Variants in GRIK5 observed in about 807,000 individuals in gnomAD.
The protein encoded by GRIK5 is glutamate ionotropic receptor kainate type subunit 5, also known as glutamate receptor ionotropic, kainate 5.
GRIK5 carries 43 observed loss-of-function variants against 97.4 expected under a neutral mutation model. The ratio of observed to expected loss-of-function variants is 0.44; its 90% CI spans 0.35 to 0.57. GRIK5 has a LOEUF of 0.57. Among genes scored for constraint, GRIK5 ranks in the 20% least tolerant of loss-of-function variants. GRIK5 has a pLI of 0.01. For missense variants in GRIK5, 1,015 were observed against 1,382.0 expected (o/e 0.73, Z 4.21); for synonymous variants, 580 against 583.5 (o/e 0.99, Z 0.09).
rs190521064 is a variant in GRIK5, at chr19:42,016,346, G to A, written c.1871+4955C>T. ...TGAGCCAGGAGAATCGCTTGAACCCGGAAGGTGGAGGTTGCAGTGAGCCGA... is the reference window on the plus strand; with the variant it reads ...TGAGCCAGGAGAATCGCTTGAACCCAGAAGGTGGAGGTTGCAGTGAGCCGA... On this transcript the variant is annotated intron_variant, in intron 15 of 19. Coordinates refer to ENST00000593562, the MANE Select transcript of GRIK5 (RefSeq NM_002088.5). 3.8e-4 allele frequency among the ~76,000 whole-genome samples: 58 copies of A among 152,288 alleles called. No individual in the cohort carries two copies. The East Asian group carries it at 8.7e-3, about 23-fold the overall frequency.
chr19:42,022,493 C>T lies in GRIK5; in HGVS notation c.1474-139G>A. 3 of 1,467,874 alleles carry T rather than the reference C, an allele frequency of 2.0e-6. No homozygotes were observed. The highest frequency in any genetic ancestry group is 2.7e-6 in the Non-Finnish European group (3 of 1,111,410). 90.9% of individuals were successfully genotyped at this position (1,467,874 alleles called of 1,614,324 possible). ...GGTAGGGAGGGGGAGGGGCCAGGAG[C>T]ATGGACTGACTCCAGGAGCCCACCT... is the stretch of plus-strand genomic sequence containing the variant. On this transcript the variant is annotated intron_variant, in intron 12 of 19. Coordinates refer to ENST00000593562, the MANE Select transcript of GRIK5 (RefSeq NM_002088.5). The surrounding 1 kb of genome is among the most constrained non-coding windows in gnomAD (Gnocchi z 4.2).
intron 12 of GRIK5, among the ~76,000 whole-genome samples, chr19:42,036,471 C>G (rs1005931402): frequency 6.6e-6 from 1 of 152,144 alleles, no homozygotes; most frequent in South Asian, 2.1e-4. Context: ...TCCCACCTCC[C>G]AGCCTCCTGA....
In GRIK5 at chr19:42,062,006, C is replaced by T; in HGVS notation, c.508+482G>A. 6.6e-6 allele frequency among the ~76,000 whole-genome samples: 1 copy of T among 152,236 alleles called. No homozygotes were observed. The highest frequency in any genetic ancestry group is 1.9e-4 in the East Asian group (1 of 5,200). ...CTGGGCCCTCTACCTCTGCCCGTCACACTTTCTACTTAGAACCTGTTCCCT... is the reference window on the plus strand; with the variant it reads ...CTGGGCCCTCTACCTCTGCCCGTCATACTTTCTACTTAGAACCTGTTCCCT... On this transcript the variant is annotated intron_variant, in intron 5 of 19. Coordinates refer to ENST00000593562, the MANE Select transcript of GRIK5 (RefSeq NM_002088.5). The surrounding 1 kb of genome is among the most constrained non-coding windows in gnomAD (Gnocchi z 5.3).
intron 12 of GRIK5, among the ~76,000 whole-genome samples, chr19:42,030,757 T>C (rs2075831921): frequency 6.6e-6 from 1 of 152,116 alleles, no homozygotes; most frequent in Non-Finnish European, 1.5e-5. Context: ...AGCCACTGCA[T>C]CTGGCAACCG....
chr19:42,068,791 G>A, intron 1 of GRIK5: 1 of 582,216 alleles, frequency 1.7e-6, no homozygotes, highest in Non-Finnish European at 3.1e-6. Context: ...ACAGGAAATG[G>A]GGGCTCAAAA....
At chr19:42,007,662 CTT>C (rs2075509017) in intron 15 of GRIK5, among the ~76,000 whole-genome samples, 1 of 152,020 alleles carries the variant, frequency 6.6e-6, no homozygotes, top group African/African-American at 2.4e-5. Context: ...CCCCTTGAGT[CTT>C]TGGCTGAATA....
chr19:42,054,185 C>T, intron 9 of GRIK5, 135 bp downstream of exon 9: 1 of 924,240 alleles, frequency 1.1e-6, no homozygotes, highest in African/African-American at 1.6e-5. Context: ...CAGCAACAGC[C>T]AGGAGTGGAC....
chr19:42,005,611 C>T lies in GRIK5; in HGVS notation c.2263+112G>A, dbSNP rs543247412. ...CCAAGACCATACAGCCAGGAGGCCA[C>T]ATGCAACACACCCAGCCTGCCTCGG... On this transcript the variant is annotated intron_variant, in intron 17 of 19. Transcript: ENST00000593562. 9 of 707,812 alleles carry T rather than the reference C, an allele frequency of 1.3e-5. No individual in the cohort carries two copies. In the African/African-American group the frequency reaches 1.4e-4, roughly 11 times the overall value. The allele number at this position is 707,812 out of a possible 1,614,324, so 43.8% of individuals were successfully genotyped here. A position where few individuals can be genotyped will look rare whatever the true frequency, so the allele number is the denominator to read the frequency against.
At position 42,025,667 on chromosome 19, in the gene GRIK5, G is replaced by A. The variant is rs367830396; in HGVS notation, c.1474-3313C>T. Among the ~76,000 whole-genome samples the A allele has an allele frequency of 1.3e-4, 20 of 152,194 alleles. 1 individual carries two copies. Among genetic ancestry groups the A allele is most frequent in the African/African-American group, 4.3e-4 (18 of 41,512 alleles). ...CTGATTTTGACCCCTAAACACCTCC[G>A]GAACGGAGTCACTGCCCTCTGCCTC... is the stretch of plus-strand genomic sequence containing the variant. On this transcript the variant is annotated intron_variant, in intron 12 of 19. Transcript: ENST00000593562.
Position 42,002,190 on chromosome 19 carries a change from G to T in GRIK5, c.2514+1142C>A. On this transcript the variant is annotated intron_variant, in intron 19 of 19. Transcript: ENST00000593562. This position sits in a 1 kb window ranked among gnomAD's most constrained non-coding sequence, Gnocchi z 5.2. ...GACCGATGCCAGACTGGAGTGGGGG[G>T]CAAGAGGAAATGGGAGGAAAGAAGA... 1.4e-6 allele frequency: 1 copy of T among 717,648 alleles called. No homozygotes were observed. Among genetic ancestry groups the T allele is most frequent in the Non-Finnish European group, 2.6e-6 (1 of 385,138 alleles). The allele number at this position is 717,648 out of a possible 1,614,324, so 44.5% of individuals were successfully genotyped here.
In GRIK5 at chr19:41,998,930, TG is replaced by T; in HGVS notation, c.2883del (p.Ser962AlafsTer?). 1 of 1,121,658 alleles carries T rather than the reference TG, an allele frequency of 8.9e-7. No homozygotes were observed. The highest frequency in any genetic ancestry group is 4.3e-5 in the South Asian group (1 of 23,508). 69.5% of individuals were successfully genotyped at this position (1,121,658 alleles called of 1,614,324 possible). On this transcript the variant is annotated frameshift_variant, in exon 20 of 20. Coordinates refer to ENST00000593562, the MANE Select transcript of GRIK5 (RefSeq NM_002088.5). LOFTEE classifies it low-confidence loss of function (END_TRUNC). The part of the protein sequence containing the change: ...PRGLGVPAEA[T>X]SPPRPRPGPA... ...GGGCCAGGCCGCGGCCGGGGCGGGC[TG>T]GTGGCTTCGGCGGGGACGCCCAGGC...
chr19:42,027,012 T>C (rs2075780271), intron 12 of GRIK5, among the ~76,000 whole-genome samples: 1 of 152,094 alleles, frequency 6.6e-6, no homozygotes, highest in African/African-American at 2.4e-5. Flanking sequence ...TCCCGCACCA[T>C]CCAACCCCCA....
intron 15 of GRIK5, among the ~76,000 whole-genome samples, chr19:42,020,650 AC>A (rs1036716765): frequency 1.3e-5 from 2 of 152,080 alleles, no homozygotes; most frequent in Non-Finnish European, 2.9e-5. Context: ...GCCAGCTAAA[AC>A]CCACCAAAAC....
In GRIK5 at chr19:42,065,843, A is replaced by C; in HGVS notation, c.-50-23T>G. ...CACCTGCAGGGAGACCCCCCAGACC[A>C]AGGGGAGATTACTATGTGGTGGGAT... On this transcript the variant is annotated intron_variant, in intron 1 of 19. Transcript: ENST00000593562. This position sits in a 1 kb window ranked among gnomAD's most constrained non-coding sequence, Gnocchi z 5.8. 1.6e-6 allele frequency: 2 copies of C among 1,233,352 alleles called. No homozygotes were observed. Among genetic ancestry groups the C allele is most frequent in the Non-Finnish European group, 2.3e-6 (2 of 870,276 alleles). 76.4% of individuals were successfully genotyped at this position (1,233,352 alleles called of 1,614,324 possible). A position where few individuals can be genotyped will look rare whatever the true frequency, so the allele number is the denominator to read the frequency against.
In GRIK5 at chr19:42,005,886, C is replaced by T; in HGVS notation, c.2100G>A (p.Val700=). ...TGCCCTCTTCTGTGCTCTTGACGAA[C>T]ACGCTGGGCTGCTTCGACTGCATGT... ...WNYMQSKQPS[V]FVKSTEEGIA... The change falls in exon 17 of 20, where the codon GTG becomes GTA. Residue 700 remains valine, a synonymous_variant. Coordinates refer to ENST00000593562, the MANE Select transcript of GRIK5 (RefSeq NM_002088.5). The T allele has an allele frequency of 6.2e-7, 1 of 1,611,198 alleles. No individual in the cohort carries two copies. The highest frequency in any genetic ancestry group is 2.2e-5 in the East Asian group (1 of 44,838).
chr19:42,064,656 C>A (rs1037920641), intron 3 of GRIK5, among the ~76,000 whole-genome samples: 1 of 152,190 alleles, frequency 6.6e-6, no homozygotes, highest in Admixed American at 6.5e-5. Flanking sequence ...CTGATAAGGC[C>A]TGCAGGAAAG....
At chr19:42,046,824 C>T (rs1283272702) in intron 11 of GRIK5, among the ~76,000 whole-genome samples, 5 of 152,172 alleles carry the variant, frequency 3.3e-5, no homozygotes, top group Non-Finnish European at 4.4e-5. Context: ...TCACTCCTCA[C>T]CTGCCTTGTA....
At chr19:42,029,973 C>T (rs1021277212) in intron 12 of GRIK5, among the ~76,000 whole-genome samples, 1 of 152,202 alleles carries the variant, frequency 6.6e-6, no homozygotes, top group African/African-American at 2.4e-5. Flanking sequence ...TTTCATCTTT[C>T]AAACTCTTCT....
intron 12 of GRIK5, among the ~76,000 whole-genome samples, chr19:42,037,557 G>A (rs889866360): frequency 3.3e-5 from 5 of 152,206 alleles, no homozygotes; most frequent in South Asian, 2.1e-4. Context: ...GAGATAAGTG[G>A]CTTTGCAGGG....
Sources: gnomAD v4.1 joint callset for allele counts (sites outside exome capture counted in the v4.1 genomes callset) on GRCh38, gnomAD v4.1.1 for gene constraint, Gnocchi (gnomAD v3.1) non-coding constraint, MANE v1.5 for transcripts, NCBI Gene and HGNC (gene_info 2026-07-23, HGNC 2026-07-21) for gene names.